Variants in CTNNA3 observed in about 807,000 individuals in gnomAD.
The protein encoded by CTNNA3 is catenin alpha-3.
In CTNNA3, 76 loss-of-function variants were observed where a neutral mutation model predicts 95.7. That is an observed-to-expected ratio of 0.79 (90% CI 0.66 to 0.96). The LOEUF is 0.96. CTNNA3 is among the 40% of genes least tolerant of loss of function. The pLI is 0.00. For missense variants in CTNNA3, 1,191 were observed against 1,089.8 expected (o/e 1.09, Z -1.31); for synonymous variants, 431 against 374.4 (o/e 1.15, Z -1.74).
chr10:66,748,781 A>G (rs1475506882), intron 9 of CTNNA3, among the ~76,000 whole-genome samples: 1 of 152,110 alleles, frequency 6.6e-6, no homozygotes, highest in African/African-American at 2.4e-5. Flanking sequence ...CACAGACAAT[A>G]TACCCCTCTG....
At chr10:67,135,984 T>C (rs186569128) in intron 7 of CTNNA3, among the ~76,000 whole-genome samples, 68 of 152,348 alleles carry the variant, frequency 4.5e-4, no homozygotes, top group African/African-American at 1.6e-3. Context: ...ATAATGGTTA[T>C]AGAATATTCT....
chr10:67,494,420 G>C (rs966165457), intron 5 of CTNNA3, among the ~76,000 whole-genome samples: 4 of 152,114 alleles, frequency 2.6e-5, no homozygotes, highest in Non-Finnish European at 5.9e-5. Flanking sequence ...GATGTTTCCT[G>C]GGAAAGACTT....
At chr10:66,367,868 AATAATAATAATAATT>A (rs1289444062) in intron 12 of CTNNA3, among the ~76,000 whole-genome samples, 1,328 of 84,076 alleles carry the variant, frequency 0.016, 7 homozygotes, top group Admixed American at 0.025. Flanking sequence ...TAATAATAAT[AATAATAATAATAATT>A]ATTATTATTA....
At chr10:66,324,613 T>G (rs72801025) in intron 12 of CTNNA3, among the ~76,000 whole-genome samples, 1 of 152,054 alleles carries the variant, frequency 6.6e-6, no homozygotes, top group Non-Finnish European at 1.5e-5. Flanking sequence ...CCCATCTGCA[T>G]GCTCCCCTTC....
In CTNNA3 at chr10:66,675,688, T is replaced by C. The variant is rs1325674103; in HGVS notation, c.1282-53904A>G. On this transcript the variant is annotated intron_variant, in intron 9 of 17. Transcript: ENST00000433211. The stretch of plus-strand genomic sequence containing the variant: ...GTTCATCTCAAAATTTCTGTGCTTA[T>C]GGTCAAGAGTGGTTATGTGAACAAC... Among the ~76,000 whole-genome samples the C allele has an allele frequency of 2.0e-5, 3 of 152,170 alleles. No homozygotes were observed. The South Asian group carries it at 6.2e-4, about 31-fold the overall frequency.
intron 7 of CTNNA3, among the ~76,000 whole-genome samples, chr10:67,032,598 G>A (rs1280024502): frequency 6.6e-6 from 1 of 152,136 alleles, no homozygotes; most frequent in African/African-American, 2.4e-5. Context: ...TCAGACAGAT[G>A]TTATTGATGT....
chr10:67,463,164 T>C (rs1589316215), intron 5 of CTNNA3, among the ~76,000 whole-genome samples: 1 of 152,140 alleles, frequency 6.6e-6, no homozygotes, highest in African/African-American at 2.4e-5. Flanking sequence ...CTTGACCTCC[T>C]AAAGTGCTGG....
At chr10:66,879,375 C>G (rs1844755204) in intron 7 of CTNNA3, among the ~76,000 whole-genome samples, 1 of 152,084 alleles carries the variant, frequency 6.6e-6, no homozygotes, top group African/African-American at 2.4e-5. Flanking sequence ...AGACCTCACA[C>G]TCGAAATAAA....
intron 11 of CTNNA3, among the ~76,000 whole-genome samples, chr10:66,465,285 G>T (rs548038059): frequency 6.6e-6 from 1 of 152,230 alleles, no homozygotes; most frequent in South Asian, 2.1e-4. Context: ...ATCACTGTGA[G>T]TGTCCTTAAA....
rs529404776 is a variant in CTNNA3, at chr10:66,278,391, A to G, written c.1884+2079T>C. 2.1e-3 allele frequency among the ~76,000 whole-genome samples: 315 copies of G among 151,958 alleles called. 1 individual carries two copies. Among genetic ancestry groups the G allele is most frequent in the African/African-American group, 7.3e-3 (303 of 41,488 alleles). ...GAAGTTTGTTGAAAATTAAATAAAG[A>G]CTAGTGAAGAACACAAAATACTAAA... is the stretch of plus-strand genomic sequence containing the variant. On this transcript the variant is annotated intron_variant, in intron 13 of 17. Transcript: ENST00000433211.
intron 5 of CTNNA3, among the ~76,000 whole-genome samples, chr10:67,357,509 A>C (rs1842850871): frequency 6.6e-6 from 1 of 152,152 alleles, no homozygotes; most frequent in South Asian, 2.1e-4. Flanking sequence ...CTATAGGAAG[A>C]AAACCTAACA....
intron 2 of CTNNA3, among the ~76,000 whole-genome samples, chr10:67,609,820 T>C (rs1003554238): frequency 2.6e-5 from 4 of 152,220 alleles, no homozygotes; most frequent in Non-Finnish European, 5.9e-5. Context: ...TCTAAGTTTA[T>C]CTTGCTCTTG....
At chr10:66,177,406 T>G (rs958018593) in intron 13 of CTNNA3, among the ~76,000 whole-genome samples, 1 of 152,036 alleles carries the variant, frequency 6.6e-6, no homozygotes, top group Non-Finnish European at 1.5e-5. Context: ...ACCAGATTTT[T>G]AAAAATTTTG....
chr10:67,337,859 T>C (rs775169163), intron 5 of CTNNA3, among the ~76,000 whole-genome samples: 5 of 152,196 alleles, frequency 3.3e-5, no homozygotes, highest in African/African-American at 7.2e-5. Context: ...TTGGATATAA[T>C]GCAATTGCAC....
At chr10:66,805,203 T>A (rs910626323) in intron 7 of CTNNA3, among the ~76,000 whole-genome samples, 5 of 151,986 alleles carry the variant, frequency 3.3e-5, no homozygotes, top group Non-Finnish European at 5.9e-5. Flanking sequence ...CTAATCTTTG[T>A]CACTTTCATC....
chr10:66,987,925 T>C (rs1210218394), intron 7 of CTNNA3, among the ~76,000 whole-genome samples: 2 of 152,178 alleles, frequency 1.3e-5, no homozygotes, highest in Non-Finnish European at 2.9e-5. Context: ...TTTTCAATTT[T>C]TCAAATGATC....
intron 3 of CTNNA3, among the ~76,000 whole-genome samples, chr10:67,604,913 C>A (rs550691717): frequency 6.6e-6 from 1 of 152,136 alleles, no homozygotes; most frequent in East Asian, 1.9e-4. Flanking sequence ...CTGAAGAATA[C>A]CTATAAAATA....
chr10:66,918,298 A>G (rs376347962), intron 7 of CTNNA3, among the ~76,000 whole-genome samples: 1 of 152,244 alleles, frequency 6.6e-6, no homozygotes, highest in African/African-American at 2.4e-5. Context: ...ATGTTAACCA[A>G]TAAAGTTCTC....
rs890642545 is a variant in CTNNA3 at position 67,075,337 on chromosome 10, A to T, written c.1047+104980T>A. On this transcript the variant is annotated intron_variant, in intron 7 of 17. Transcript: ENST00000433211. ...TACATTTAAAACTGTATTAACAAGA[A>T]CAAGTATTTCATTCCACCATTAGGA... 2.6e-5 allele frequency among the ~76,000 whole-genome samples: 4 copies of T among 152,352 alleles called. No homozygotes were observed. The East Asian group carries it at 7.7e-4, about 29-fold the overall frequency.
Sources: allele counts gnomAD v4.1 joint callset (sites outside exome capture counted in the v4.1 genomes callset), GRCh38; gene constraint gnomAD v4.1.1; transcripts MANE v1.5; gene names NCBI Gene and HGNC (gene_info 2026-07-23, HGNC 2026-07-21).